NIPSNAP2: variants seen among roughly 807,000 people sequenced by gnomAD.
NIPSNAP2 encodes nipsnap homolog 2, also known as protein NipSnap homolog 2.
NIPSNAP2 carries 42 observed loss-of-function variants against 48.4 expected under a neutral mutation model. The observed-to-expected ratio is 0.87, with a 90% CI of 0.68 to 1.12. NIPSNAP2 has a LOEUF of 1.12. NIPSNAP2 is among the 50% of genes most tolerant of loss of function. The probability of loss-of-function intolerance (pLI) is 0.00; values close to 1 mark genes in which losing one functional copy is unlikely to be tolerated. For missense variants in NIPSNAP2, 314 were observed against 347.3 expected, an observed-to-expected ratio of 0.90 and a Z score of 0.76; for synonymous variants, 158 against 126.6, an observed-to-expected ratio of 1.25 and a Z score of -1.67.
chr7:55,968,167 C>T (rs1048816883), intron 1 of NIPSNAP2, among the ~76,000 whole-genome samples: 3 of 152,108 alleles, frequency 2.0e-5, no homozygotes, highest in Non-Finnish European at 4.4e-5. Context: ...GGTTCCTAAT[C>T]CCTCCTCCCT....
chr7:55,996,240 C>T (rs1456703219), intron 8 of NIPSNAP2, among the ~76,000 whole-genome samples: 2 of 150,046 alleles, frequency 1.3e-5, no homozygotes, highest in Non-Finnish European at 3.0e-5. Flanking sequence ...GAGCCGAGAT[C>T]GCACCACTGC....
At chr7:55,980,009 C>T (rs1787180115) in intron 3 of NIPSNAP2, 2 of 372,898 alleles carry the variant, frequency 5.4e-6, no homozygotes, top group Admixed American at 6.8e-5. Context: ...TTTCTGGACC[C>T]CACCTGAATC....
Position 55,990,175 on chromosome 7 carries a change from G to A in NIPSNAP2, c.618-4719G>A, listed in dbSNP as rs1026645982. Among the ~76,000 whole-genome samples the A allele has an allele frequency of 1.7e-4, 25 of 151,318 alleles. No homozygotes were observed. In the East Asian group the frequency reaches 3.9e-3, roughly 23 times the overall value. ...TATCTAATTCAACAAAAGATTTATAGCATTTTTTTTCTTTGAAACTTAACA... is the reference window on the plus strand; with the variant it reads ...TATCTAATTCAACAAAAGATTTATAACATTTTTTTTCTTTGAAACTTAACA... On this transcript the variant is annotated intron_variant, in intron 7 of 9. Transcript: ENST00000322090.
At chr7:55,997,917 A>C (rs922358440) in intron 9 of NIPSNAP2, among the ~76,000 whole-genome samples, 1 of 152,228 alleles carries the variant, frequency 6.6e-6, no homozygotes, top group East Asian at 1.9e-4. Context: ...GTGCACATAC[A>C]TAAGTATATT....
chr7:55,996,115 C>A (rs1339715617), intron 8 of NIPSNAP2, among the ~76,000 whole-genome samples: 1 of 152,148 alleles, frequency 6.6e-6, no homozygotes, highest in Non-Finnish European at 1.5e-5. Flanking sequence ...ATGGTGAAAC[C>A]TCATCTGTAC....
intron 3 of NIPSNAP2, chr7:55,978,653 A>G (rs1787151803): frequency 1.1e-5 from 5 of 455,130 alleles, no homozygotes; most frequent in South Asian, 5.6e-5. Context: ...GAACTTTGCC[A>G]GGCTGTCTAG....
intron 7 of NIPSNAP2, among the ~76,000 whole-genome samples, chr7:55,985,327 A>G (rs760406493): frequency 3.3e-5 from 5 of 152,198 alleles, no homozygotes; most frequent in Admixed American, 6.5e-5. Context: ...CACCATGTCA[A>G]TAATGGTTTC....
chr7:55,977,122 A>T (rs1045591206), intron 1 of NIPSNAP2, among the ~76,000 whole-genome samples: 2 of 151,856 alleles, frequency 1.3e-5, no homozygotes, highest in African/African-American at 4.8e-5. Flanking sequence ...CAGGCTCGGT[A>T]GCTCCTGCCT....
chr7:55,992,804 T>G (rs1316179563), intron 7 of NIPSNAP2, among the ~76,000 whole-genome samples: 1 of 152,172 alleles, frequency 6.6e-6, no homozygotes, highest in African/African-American at 2.4e-5. Context: ...ATGGATTTAC[T>G]GGGTAATGCA....
chr7:55,980,427 C>T (rs985573733), intron 3 of NIPSNAP2: 5 of 152,340 alleles, frequency 3.3e-5, no homozygotes, highest in Non-Finnish European at 2.9e-5. Flanking sequence ...CCTGTAGCCC[C>T]AGCATCTGGT....
chr7:55,971,079 C>A (rs1787007657), intron 1 of NIPSNAP2, among the ~76,000 whole-genome samples: 2 of 152,120 alleles, frequency 1.3e-5, no homozygotes, highest in South Asian at 4.1e-4. Flanking sequence ...TATAGTGCAC[C>A]CTTCCTTATC....
At chr7:55,998,144 A>G (rs1417548654) in intron 9 of NIPSNAP2, among the ~76,000 whole-genome samples, 1 of 151,848 alleles carries the variant, frequency 6.6e-6, no homozygotes, top group Non-Finnish European at 1.5e-5. Flanking sequence ...ACATGATGAA[A>G]CCTGTCTCCA....
At chr7:55,967,975 AG>A (rs1170527964) in intron 1 of NIPSNAP2, among the ~76,000 whole-genome samples, 1 of 151,184 alleles carries the variant, frequency 6.6e-6, no homozygotes, top group African/African-American at 2.4e-5. Context: ...TTTTGTAGAG[AG>A]GGGGGTCTTG....
In NIPSNAP2 at chr7:55,983,838, T is replaced by C. The variant is rs1237844210; in HGVS notation, c.555T>C (p.Asn185=). ...AGCCTGTGCCAAGATCCGGACCTAA[T>C]ATATATGAACTCAGGTCTTACCAAC... ...WNEPVPRSGP[N]IYELRSYQLR... Residue 185 remains asparagine, a synonymous_variant, in exon 6 of 10, where the codon AAT becomes AAC. Transcript: ENST00000322090. 1 of 1,614,086 alleles carries C rather than the reference T, an allele frequency of 6.2e-7. No homozygotes were observed. The highest frequency in any genetic ancestry group is 1.1e-5 in the South Asian group (1 of 91,090).
Position 55,981,930 on chromosome 7 carries a change from C to T in NIPSNAP2, c.374-280C>T, listed in dbSNP as rs573706111. On this transcript the variant is annotated intron_variant, in intron 4 of 9. Coordinates refer to ENST00000322090, the MANE Select transcript of NIPSNAP2 (RefSeq NM_001483.3). ...TAAGCGATTCTTCTGCTTTAGCCTC[C>T]CAAGTAGCTGGAAATACAGGTGCCC... 14 of 320,744 alleles carry T rather than the reference C, an allele frequency of 4.4e-5. No homozygotes were observed. In the East Asian group the frequency reaches 8.3e-4, roughly 19 times the overall value. 19.9% of individuals were successfully genotyped at this position (320,744 alleles called of 1,614,324 possible). A position where few individuals can be genotyped will look rare whatever the true frequency, so the allele number is the denominator to read the frequency against.
At chr7:55,991,553 C>A (rs1179663112) in intron 7 of NIPSNAP2, among the ~76,000 whole-genome samples, 1 of 151,382 alleles carries the variant, frequency 6.6e-6, no homozygotes, top group Non-Finnish European at 1.5e-5. Context: ...TCGAGACCAG[C>A]CTGACCAACA....
chr7:55,972,317 A>G (rs1451783733), intron 1 of NIPSNAP2, among the ~76,000 whole-genome samples: 1 of 151,892 alleles, frequency 6.6e-6, no homozygotes, highest in East Asian at 1.9e-4. Context: ...TCAAAAAAAA[A>G]AAAGAACATA....
intron 4 of NIPSNAP2, chr7:55,981,931 C>G (rs1787225201): frequency 3.1e-6 from 1 of 321,598 alleles, no homozygotes; most frequent in Non-Finnish European, 5.8e-6. Context: ...TTTAGCCTCC[C>G]AAGTAGCTGG....
chr7:55,968,832 C>T (rs201535075), intron 1 of NIPSNAP2, among the ~76,000 whole-genome samples: 124 of 152,152 alleles, frequency 8.1e-4, no homozygotes, highest in Admixed American at 2.1e-3. Flanking sequence ...TCAAGACCAG[C>T]GTGGACAACA....
Sources: gnomAD v4.1 joint callset for allele counts (sites outside exome capture counted in the v4.1 genomes callset) on GRCh38, gnomAD v4.1.1 for gene constraint, MANE v1.5 for transcripts, NCBI Gene and HGNC (gene_info 2026-07-23, HGNC 2026-07-21) for gene names.